CES5A: variants seen among roughly 807,000 people sequenced by gnomAD.
CES5A encodes carboxylesterase 5.
In CES5A, 67 loss-of-function variants were observed where a neutral mutation model predicts 62.9. The observed-to-expected ratio is 1.07, with a 90% confidence interval of 0.88 to 1.31. The LOEUF is 1.31. CES5A is among the 50% of genes most tolerant of loss of function. The pLI is 0.00. For synonymous variants in CES5A, 296 were observed against 280.8 expected (o/e 1.05, Z -0.54); for missense variants, 748 against 708.5 (o/e 1.06, Z -0.63).
At chr16:55,853,682 C>T (rs1325424514) in intron 9 of CES5A, among the ~76,000 whole-genome samples, 1 of 152,176 alleles carries the variant, frequency 6.6e-6, no homozygotes, top group East Asian at 1.9e-4. Flanking sequence ...GTTGTTTCCC[C>T]TGGGCCCCAT....
chr16:55,921,331 G>A (rs1467529049), intron 1 of CES5A, among the ~76,000 whole-genome samples: 3 of 151,964 alleles, frequency 2.0e-5, no homozygotes, highest in African/African-American at 7.2e-5. Flanking sequence ...ACTCTCAAAG[G>A]TCAAGGACAA....
At chr16:55,861,310 T>C in intron 7 of CES5A, 102 bp downstream of exon 7, 1 of 688,532 alleles carries the variant, frequency 1.5e-6, no homozygotes, top group Non-Finnish European at 2.6e-6. Flanking sequence ...ATCCTCCTCT[T>C]TTCTATGTTC....
chr16:55,941,820 C>G (rs2034449570), intron 2 of CES5A, among the ~76,000 whole-genome samples: 1 of 152,060 alleles, frequency 6.6e-6, no homozygotes. Context: ...GTTCTATATT[C>G]TGATTCTAGC....
chr16:55,943,802 T>C (rs1475798028), intron 2 of CES5A, among the ~76,000 whole-genome samples: 3 of 152,198 alleles, frequency 2.0e-5, no homozygotes, highest in Admixed American at 2.0e-4. Flanking sequence ...AAGGAAGGGC[T>C]TTAACCACAG....
At chr16:55,928,810 A>G (rs2034282337), upstream of CES5A, among the ~76,000 whole-genome samples, 1 of 152,086 alleles carries the variant, frequency 6.6e-6, no homozygotes. Context: ...AGTCCTCTTC[A>G]ATGCCTTTCC....
chr16:55,941,985 G>A (rs527836808), intron 2 of CES5A, among the ~76,000 whole-genome samples: 233 of 152,188 alleles, frequency 1.5e-3, no homozygotes, highest in Non-Finnish European at 2.5e-3. Context: ...GTTCACTGGC[G>A]AAAAGAAAAT....
At chr16:55,935,536 C>T (rs1028583272) in intron 2 of CES5A, among the ~76,000 whole-genome samples, 20 of 152,166 alleles carry the variant, frequency 1.3e-4, no homozygotes, top group African/African-American at 4.8e-4. Context: ...TAAAATTAAT[C>T]ATCACATCCA....
intron 1 of CES5A, among the ~76,000 whole-genome samples, chr16:55,908,521 C>G (rs1232171714): frequency 6.6e-6 from 1 of 152,078 alleles, no homozygotes; most frequent in Non-Finnish European, 1.5e-5. Flanking sequence ...CCACCATGCC[C>G]GGCTAATTTT....
chr16:55,846,936 C>T (rs1396383971), intron 11 of CES5A, 96 bp from the exon 12 acceptor site: 3 of 988,974 alleles, frequency 3.0e-6, no homozygotes, highest in Non-Finnish European at 4.8e-6. Flanking sequence ...ACCCCTCCTC[C>T]CACTGTAAAC....
At chr16:55,941,754 C>CAGCAAAAGAACAGGCACATAGAT (rs2034448788) in intron 2 of CES5A, among the ~76,000 whole-genome samples, 1 of 152,018 alleles carries the variant, frequency 6.6e-6, no homozygotes, top group Non-Finnish European at 1.5e-5. Flanking sequence ...AGTGTGGTGT[C>CAGCAAAAGAACAGGCACATAGAT]AGCAAAAGAA....
At chr16:55,902,053 CT>C (rs1212756586) in intron 1 of CES5A, among the ~76,000 whole-genome samples, 1 of 152,164 alleles carries the variant, frequency 6.6e-6, no homozygotes, top group Non-Finnish European at 1.5e-5. Context: ...TGATCTCAGC[CT>C]TTTTGACTGT....
intron 1 of CES5A, among the ~76,000 whole-genome samples, chr16:55,924,277 G>A (rs994349259): frequency 6.6e-6 from 1 of 151,734 alleles, no homozygotes; most frequent in Non-Finnish European, 1.5e-5. Context: ...TATGCCAATA[G>A]CAAACAATAT....
intron 1 of CES5A, among the ~76,000 whole-genome samples, chr16:55,954,044 C>T (rs1449533443): frequency 1.3e-5 from 2 of 152,260 alleles, no homozygotes; most frequent in East Asian, 3.9e-4. Flanking sequence ...CCCTGCTCCC[C>T]GCTGCCCAAG....
intron 5 of CES5A, among the ~76,000 whole-genome samples, chr16:55,864,391 AC>A (rs1202577840): frequency 6.6e-6 from 1 of 152,204 alleles, no homozygotes; most frequent in Non-Finnish European, 1.5e-5. Context: ...GAGCCAGTGG[AC>A]CATTTTCTAA....
At chr16:55,869,048 C>A (rs769717730) in intron 4 of CES5A, among the ~76,000 whole-genome samples, 1 of 152,190 alleles carries the variant, frequency 6.6e-6, no homozygotes, top group African/African-American at 2.4e-5. Flanking sequence ...GGTGAGCATT[C>A]GAGAAGACCT....
At position 55,873,907 on chromosome 16, in the gene CES5A, T is replaced by A. The variant is rs753928524; in HGVS notation, c.204A>T (p.Gly68=). ...LGVPFAAPPL[G]SLRFTNPQPA... ...GCTGCGGGTTCGTAAATCGCAGGGA[T>A]CCCAGCGGGGGAGCAGCAAAGGGGA... is the stretch of plus-strand genomic sequence containing the variant. Residue 68 remains glycine (G), a synonymous_variant, in exon 2 of 13, where the codon GGA becomes GGT. Transcript: ENST00000290567. 16 of 1,613,838 alleles carry A rather than the reference T, an allele frequency of 9.9e-6. No individual in the cohort carries two copies. In the South Asian group the frequency reaches 1.8e-4, roughly 18 times the overall value.
upstream of CES5A, among the ~76,000 whole-genome samples, chr16:55,876,269 A>T (rs2033692059): frequency 6.6e-6 from 1 of 152,086 alleles, no homozygotes. Context: ...TTTTTTCTTT[A>T]AATTGACATT....
At chr16:55,875,542 C>A (rs1171455440), upstream of CES5A, among the ~76,000 whole-genome samples, 1 of 152,202 alleles carries the variant, frequency 6.6e-6, no homozygotes, top group Non-Finnish European at 1.5e-5. Flanking sequence ...ATTATGAGTT[C>A]TAGAGACCCA....
chr16:55,873,012 C>G (rs1035737448), intron 2 of CES5A, among the ~76,000 whole-genome samples: 1 of 152,134 alleles, frequency 6.6e-6, no homozygotes, highest in Non-Finnish European at 1.5e-5. Context: ...GCTTGATGTC[C>G]TCAGTCCTTG....
Sources: gnomAD v4.1 joint callset for allele counts (sites outside exome capture counted in the v4.1 genomes callset) on GRCh38, gnomAD v4.1.1 for gene constraint, MANE v1.5 for transcripts, NCBI Gene and HGNC (gene_info 2026-07-23, HGNC 2026-07-21) for gene names.